TMEM267: variants seen among roughly 807,000 people sequenced by gnomAD.
TMEM267 encodes transmembrane protein 267, also known as transmembrane protein C5orf28.
A neutral mutation model predicts 19.3 loss-of-function variants in TMEM267; 20 were observed. The observed-to-expected ratio is 1.04, with a 90% CI of 0.73 to 1.51. The LOEUF (loss-of-function observed/expected upper bound fraction) is 1.51, where lower values mean the gene tolerates loss of function less well. TMEM267 is among the 40% of genes most tolerant of loss of function. The pLI is 0.00. For missense variants in TMEM267, 242 were observed against 261.9 expected (o/e 0.92, Z 0.52); for synonymous variants, 88 against 90.3 (o/e 0.97, Z 0.15).
rs190918958 is a variant in TMEM267, at chr5:43,481,274, A to T, written c.-75+2548T>A. Among the ~76,000 whole-genome samples the T allele has an allele frequency of 1.2e-3, 186 of 151,020 alleles. 1 individual carries two copies. The highest frequency in any genetic ancestry group is 4.3e-3 in the African/African-American group (178 of 41,126). On this transcript the variant is annotated intron_variant, in intron 1 of 2. Transcript: ENST00000397080. ...ATACTTGGCTAGATTTTTGTTTTTA[A>T]AGTGTTTTGTAGAGATGGGGTCTCA...
At chr5:43,471,774 C>T (rs988996051) in intron 1 of TMEM267, among the ~76,000 whole-genome samples, 1 of 152,112 alleles carries the variant, frequency 6.6e-6, no homozygotes, top group Non-Finnish European at 1.5e-5. Context: ...CTATCTCACA[C>T]CATATACAAA....
At chr5:43,456,091 T>C (rs1015512755) in intron 1 of TMEM267, among the ~76,000 whole-genome samples, 1 of 150,920 alleles carries the variant, frequency 6.6e-6, no homozygotes, top group African/African-American at 2.4e-5. Flanking sequence ...GATCCTTGGC[T>C]TCCCAAAGTG....
intron 1 of TMEM267, among the ~76,000 whole-genome samples, chr5:43,473,440 C>G (rs961812901): frequency 7.9e-5 from 12 of 152,132 alleles, no homozygotes; most frequent in African/African-American, 2.7e-4. Flanking sequence ...GCAAAAATCA[C>G]AAGCATTCCT....
chr5:43,471,514 G>A (rs538743526), intron 1 of TMEM267, among the ~76,000 whole-genome samples: 1 of 151,602 alleles, frequency 6.6e-6, no homozygotes, highest in Non-Finnish European at 1.5e-5. Context: ...AACAAAACTG[G>A]AAGAATCACA....
chr5:43,481,467 G>A lies in TMEM267; in HGVS notation c.-75+2355C>T, dbSNP rs543787799. Among the ~76,000 whole-genome samples, 5 of 152,120 alleles carry A rather than the reference G, an allele frequency of 3.3e-5. No individual in the cohort carries two copies. The South Asian group carries it at 1.0e-3, about 32-fold the overall frequency. ...AGGATTAGTTTGCTAATAAAGTGTC[G>A]TGAGCAAAGTGAAAAATCAAAAGAT... On this transcript the variant is annotated intron_variant, in intron 1 of 2. Coordinates refer to ENST00000397080, the MANE Select transcript of TMEM267 (RefSeq NM_022483.5).
intron 2 of TMEM267, among the ~76,000 whole-genome samples, chr5:43,451,080 C>A (rs2112027660): frequency 6.6e-6 from 1 of 152,222 alleles, no homozygotes; most frequent in South Asian, 2.1e-4. Context: ...CTCACCTCAG[C>A]CTCCAAAGTG....
intron 1 of TMEM267, among the ~76,000 whole-genome samples, chr5:43,463,442 G>A (rs946073783): frequency 5.3e-5 from 8 of 152,092 alleles, no homozygotes; most frequent in African/African-American, 1.9e-4. Flanking sequence ...CATTTTATGA[G>A]GCCAGCATCA....
chr5:43,453,528 C>A (rs1234643108), intron 2 of TMEM267, 130 bp downstream of exon 2: 10 of 809,772 alleles, frequency 1.2e-5, no homozygotes, highest in Non-Finnish European at 1.9e-5. Flanking sequence ...ACTAAGTGGT[C>A]AAAAAGGTTA....
chr5:43,453,778 T>C lies in TMEM267; in HGVS notation c.192A>G (p.Ser64=), dbSNP rs778610303. 6.8e-6 allele frequency: 11 copies of C among 1,614,164 alleles called. No individual in the cohort carries two copies. Among genetic ancestry groups the C allele is most frequent in the East Asian group, 2.2e-5 (1 of 44,878 alleles). Residue 64 remains serine (S), a synonymous_variant, in exon 2 of 3, where the codon TCA becomes TCG. Coordinates refer to ENST00000397080, the MANE Select transcript of TMEM267 (RefSeq NM_022483.5). The part of the protein sequence containing the change: ...NAVHCVIGMW[S]WAVVTGIKKK... ...TCTTGATTCCAGTGACTACCGCCCA[T>C]GACCACATGCCAATTACACAATGTA...
rs777644654 is a variant in TMEM267 at position 43,446,259 on chromosome 5, A to G, written c.611T>C (p.Met204Thr). The G allele has an allele frequency of 1.2e-6, 2 of 1,613,602 alleles. No individual in the cohort carries two copies. The highest frequency in any genetic ancestry group is 4.5e-5 in the East Asian group (2 of 44,860). Residue 204 changes from methionine (M) to threonine (T), a missense_variant, in exon 3 of 3, where the codon ATG becomes ACG. By Grantham distance (81) the Met-to-Thr change is moderately conservative. Transcript: ENST00000397080. ...FVMYLTGTRQ[M>T]MSSKHGVRID... The stretch of plus-strand genomic sequence containing the variant: ...ACGAACTCCATGTTTTGAAGACATC[A>G]TTTGTCTGGTTCCTGTTAAATACAT...
In TMEM267 at chr5:43,454,043, C is replaced by T; in HGVS notation, c.-74G>A. On this transcript the variant is annotated splice_region_variant and 5_prime_UTR_variant, in exon 2 of 3. Coordinates refer to ENST00000397080, the MANE Select transcript of TMEM267 (RefSeq NM_022483.5). ...CTATTCTTGTTTACATTTCCAGCAC[C>T]CTAAAGGAGAAAGTAGAGAAAAATA... The T allele has an allele frequency of 1.3e-6, 2 of 1,520,000 alleles. No individual in the cohort carries two copies. Among genetic ancestry groups the T allele is most frequent in the Non-Finnish European group, 1.8e-6 (2 of 1,135,396 alleles). 94.2% of individuals were successfully genotyped at this position (1,520,000 alleles called of 1,614,324 possible). A position where few individuals can be genotyped will look rare whatever the true frequency, so the allele number is the denominator to read the frequency against.
At chr5:43,460,763 G>A (rs1388920985) in intron 1 of TMEM267, among the ~76,000 whole-genome samples, 1 of 152,170 alleles carries the variant, frequency 6.6e-6, no homozygotes, top group East Asian at 1.9e-4. Flanking sequence ...AGCCACGGAG[G>A]GAGCATTTAA....
At chr5:43,459,014 T>C (rs62368936) in intron 1 of TMEM267, among the ~76,000 whole-genome samples, 1 of 151,066 alleles carries the variant, frequency 6.6e-6, no homozygotes, top group African/African-American at 2.4e-5. Context: ...AAAAAAAAAT[T>C]ATCTTCCAAA....
chr5:43,478,219 T>A (rs1744543670), intron 1 of TMEM267, among the ~76,000 whole-genome samples: 1 of 152,334 alleles, frequency 6.6e-6, no homozygotes, highest in South Asian at 2.1e-4. Flanking sequence ...GTTTGGATAA[T>A]CAACTTTCAG....
intron 1 of TMEM267, among the ~76,000 whole-genome samples, chr5:43,471,800 G>A (rs1228586060): frequency 2.0e-5 from 3 of 152,058 alleles, no homozygotes; most frequent in Non-Finnish European, 4.4e-5. Context: ...AATCAAAATG[G>A]ATTAAAAACT....
rs1183508910 is a variant in TMEM267 at position 43,453,990 on chromosome 5, A to G, written c.-21T>C. 3 of 1,604,908 alleles carry G rather than the reference A, an allele frequency of 1.9e-6. No individual in the cohort carries two copies. The highest frequency in any genetic ancestry group is 1.1e-5 in the South Asian group (1 of 90,210). On this transcript the variant is annotated 5_prime_UTR_variant, in exon 2 of 3. Transcript: ENST00000397080. ...GCCATGACAAACAATATGTTAGTAT[A>G]GACTAAAAGCCATCAGGAATGAACA...
rs943386576 is a variant in TMEM267 at position 43,446,577 on chromosome 5, G to A, written c.313-20C>T. The A allele has an allele frequency of 4.0e-6, 6 of 1,498,436 alleles. No individual in the cohort carries two copies. In the Admixed American group the frequency reaches 1.0e-4, roughly 26 times the overall value. 92.8% of individuals were successfully genotyped at this position (1,498,436 alleles called of 1,614,324 possible). On this transcript the variant is annotated intron_variant, in intron 2 of 2. Transcript: ENST00000397080. The stretch of plus-strand genomic sequence containing the variant: ...AGCAGCCTGAGGGAGCAAAGTAATA[G>A]CGAGTATCATTTCCTTTCTAGCAAA...
rs1216324759 is a variant in TMEM267 at position 43,460,296 on chromosome 5, G to C, written c.-74-6253C>G. On this transcript the variant is annotated intron_variant, in intron 1 of 2. Coordinates refer to ENST00000397080, the MANE Select transcript of TMEM267 (RefSeq NM_022483.5). ...TGAACCTGTACTGGTCCATGGCCTG[G>C]GGGTGGGGACTCCTGCTATAAACAG... Among the ~76,000 whole-genome samples the C allele has an allele frequency of 2.0e-5, 3 of 152,094 alleles. No homozygotes were observed. The East Asian group carries it at 5.8e-4, about 29-fold the overall frequency.
chr5:43,449,302 A>C (rs1742439239), intron 2 of TMEM267, among the ~76,000 whole-genome samples: 1 of 152,102 alleles, frequency 6.6e-6, no homozygotes, highest in Non-Finnish European at 1.5e-5. Context: ...CAGGAAACCA[A>C]CCAAGAGAAT....
Sources: allele counts gnomAD v4.1 joint callset (sites outside exome capture counted in the v4.1 genomes callset), GRCh38; gene constraint gnomAD v4.1.1; transcripts MANE v1.5; gene names NCBI Gene and HGNC (gene_info 2026-07-23, HGNC 2026-07-21).